Variants in CA1 observed in about 807,000 individuals in gnomAD.
CA1 encodes carbonic anhydrase 1.
A neutral mutation model predicts 28.8 loss-of-function variants in CA1; 27 were observed. The observed-to-expected ratio is 0.94, with a 90% CI of 0.69 to 1.29. The LOEUF (loss-of-function observed/expected upper bound fraction) is 1.29, where lower values mean the gene tolerates loss of function less well. Among genes scored for constraint, CA1 ranks in the 50% most tolerant of loss-of-function variants. The pLI is 0.00. For synonymous variants in CA1, 121 were observed against 108.8 expected, an observed-to-expected ratio of 1.11 and a Z score of -0.70; for missense variants, 335 against 310.5, an observed-to-expected ratio of 1.08 and a Z score of -0.59.
chr8:85,342,410 T>C (rs1280112760), intron 1 of CA1, among the ~76,000 whole-genome samples: 2 of 152,340 alleles, frequency 1.3e-5, no homozygotes, highest in East Asian at 3.9e-4. Flanking sequence ...AAATGCTATA[T>C]AGTAAGAATT....
intron 1 of CA1, among the ~76,000 whole-genome samples, chr8:85,366,165 CTTTTTTT>C (rs11395706): frequency 1.6e-5 from 2 of 128,282 alleles, no homozygotes; most frequent in African/African-American, 6.0e-5. Context: ...CTTTCTTCCC[CTTTTTTT>C]TTTTTTTTTT....
At chr8:85,339,825 A>T (rs1376360446) in intron 2 of CA1, among the ~76,000 whole-genome samples, 3 of 152,246 alleles carry the variant, frequency 2.0e-5, no homozygotes, top group African/African-American at 7.2e-5. Context: ...AAAACCAACA[A>T]CCACATTCCC....
intron 1 of CA1, among the ~76,000 whole-genome samples, chr8:85,347,703 TC>T (rs1809255256): frequency 6.6e-6 from 1 of 152,320 alleles, no homozygotes; most frequent in Admixed American, 6.5e-5. Flanking sequence ...CACTCCTATG[TC>T]TTGTTCATAC....
At chr8:85,338,502 A>C in intron 2 of CA1, 53 bp from the exon 3 acceptor site, 1 of 1,349,264 alleles carries the variant, frequency 7.4e-7, no homozygotes, top group Non-Finnish European at 1.1e-6. Flanking sequence ...CTTGATTCCA[A>C]GTTTTAGGAG....
chr8:85,375,349 T>C (rs1301756727), intron 1 of CA1, among the ~76,000 whole-genome samples: 1 of 152,214 alleles, frequency 6.6e-6, no homozygotes, highest in Non-Finnish European at 1.5e-5. Context: ...ACCTATCGCA[T>C]GCTGGCCTGT....
At chr8:85,373,224 G>A (rs1330253609) in intron 1 of CA1, among the ~76,000 whole-genome samples, 1 of 152,174 alleles carries the variant, frequency 6.6e-6, no homozygotes, top group Non-Finnish European at 1.5e-5. Flanking sequence ...ACATTAAATG[G>A]GTGGGTGGAA....
At chr8:85,372,698 A>C (rs1279936402) in intron 1 of CA1, among the ~76,000 whole-genome samples, 3 of 152,202 alleles carry the variant, frequency 2.0e-5, no homozygotes, top group Non-Finnish European at 4.4e-5. Flanking sequence ...AAAATTATTA[A>C]ATGGAAACTT....
Position 85,328,542 on chromosome 8 carries a change from A to C in CA1, c.*18T>G, listed in dbSNP as rs960325847. 1 of 1,378,568 alleles carries C rather than the reference A, an allele frequency of 7.3e-7. No individual in the cohort carries two copies. The highest frequency in any genetic ancestry group is 1.2e-5 in the South Asian group (1 of 85,858). 85.4% of individuals were successfully genotyped at this position (1,378,568 alleles called of 1,614,324 possible). ...AGGGCTGTGTTCTTGAGGAAGGACA[A>C]GTTTCTTCTCAGAATCATCAAAATG... On this transcript the variant is annotated 3_prime_UTR_variant, in exon 8 of 8. Coordinates refer to ENST00000523022, the MANE Select transcript of CA1 (RefSeq NM_001128831.4).
At chr8:85,369,623 T>C (rs906955480) in intron 1 of CA1, among the ~76,000 whole-genome samples, 8 of 152,160 alleles carry the variant, frequency 5.3e-5, no homozygotes, top group African/African-American at 1.9e-4. Flanking sequence ...CCCGTGGTCC[T>C]TTGCATCATA....
intron 1 of CA1, among the ~76,000 whole-genome samples, chr8:85,362,414 G>A (rs763668302): frequency 5.3e-5 from 8 of 152,176 alleles, no homozygotes; most frequent in Non-Finnish European, 1.2e-4. Context: ...CAGGTAGGAA[G>A]CAAGGGAAAA....
chr8:85,330,176 AT>A (rs1808344002), intron 6 of CA1, among the ~76,000 whole-genome samples: 1 of 151,960 alleles, frequency 6.6e-6, no homozygotes, highest in Non-Finnish European at 1.5e-5. Context: ...TAAAGCTTTT[AT>A]TTTTTTCTCT....
chr8:85,347,177 C>T (rs1393290762), intron 1 of CA1, among the ~76,000 whole-genome samples: 1 of 152,150 alleles, frequency 6.6e-6, no homozygotes, highest in Non-Finnish European at 1.5e-5. Context: ...TTCTAAAATA[C>T]ATTTGTAATG....
intron 2 of CA1, among the ~76,000 whole-genome samples, chr8:85,339,750 A>G (rs1808838843): frequency 6.6e-6 from 1 of 152,232 alleles, no homozygotes; most frequent in Non-Finnish European, 1.5e-5. Context: ...CACACAAATG[A>G]TAAGAAAGCA....
At chr8:85,332,895 C>G (rs1808469906) in intron 5 of CA1, among the ~76,000 whole-genome samples, 1 of 152,108 alleles carries the variant, frequency 6.6e-6, no homozygotes, top group Non-Finnish European at 1.5e-5. Context: ...GTTTTCATTA[C>G]TACAGTATTT....
chr8:85,374,892 A>G (rs887508476), intron 1 of CA1, among the ~76,000 whole-genome samples: 1 of 152,188 alleles, frequency 6.6e-6, no homozygotes, highest in African/African-American at 2.4e-5. Flanking sequence ...AAGCCAAACT[A>G]AAATTATTCT....
intron 4 of CA1, among the ~76,000 whole-genome samples, chr8:85,334,476 A>G (rs1808554345): frequency 1.3e-5 from 2 of 152,038 alleles, no homozygotes; most frequent in South Asian, 4.1e-4. Context: ...CTCAAATGCC[A>G]CTCCTTAAAT....
intron 1 of CA1, among the ~76,000 whole-genome samples, chr8:85,365,542 A>G (rs1266056522): frequency 6.6e-6 from 1 of 152,230 alleles, no homozygotes; most frequent in Non-Finnish European, 1.5e-5. Flanking sequence ...CGTTCGTCAC[A>G]GAGCTTTTGC....
chr8:85,331,831 A>AT (rs1035039453), intron 6 of CA1, among the ~76,000 whole-genome samples: 2 of 151,732 alleles, frequency 1.3e-5, no homozygotes, highest in East Asian at 1.9e-4. Context: ...TTCTTTTCAT[A>AT]TTTTTTTGAT....
chr8:85,363,039 T>A (rs1464057422), intron 1 of CA1, among the ~76,000 whole-genome samples: 1 of 152,250 alleles, frequency 6.6e-6, no homozygotes, highest in Non-Finnish European at 1.5e-5. Flanking sequence ...TAAGGGCTGT[T>A]AAGTCTACAT....
Sources: allele counts gnomAD v4.1 joint callset (sites outside exome capture counted in the v4.1 genomes callset), GRCh38; gene constraint gnomAD v4.1.1; transcripts MANE v1.5; gene names NCBI Gene and HGNC (gene_info 2026-07-23, HGNC 2026-07-21).